Variants in AKAP10 observed in about 807,000 individuals in gnomAD.
AKAP10 encodes the protein A-kinase anchoring protein 10.
In AKAP10, 24 loss-of-function variants were observed where a neutral mutation model predicts 80.8. That is an observed-to-expected ratio of 0.30 (90% CI 0.22 to 0.42). The LOEUF (loss-of-function observed/expected upper bound fraction) is 0.42. Among genes scored for constraint, AKAP10 ranks in the 10% least tolerant of loss-of-function variants. The probability of loss-of-function intolerance (pLI) is 1.00; values close to 1 mark genes in which losing one functional copy is unlikely to be tolerated. For synonymous variants in AKAP10, 291 were observed against 277.7 expected (o/e 1.05, Z -0.48); for missense variants, 661 against 794.9 (o/e 0.83, Z 2.03).
intron 14 of AKAP10, among the ~76,000 whole-genome samples, chr17:19,907,371 T>G (rs1306833331): frequency 1.3e-5 from 2 of 151,908 alleles, no homozygotes; most frequent in African/African-American, 4.8e-5. Context: ...CTTTTAAAAC[T>G]ATTTTGCATT....
At chr17:19,910,699 G>A (rs1348973807) in intron 12 of AKAP10, among the ~76,000 whole-genome samples, 1 of 152,172 alleles carries the variant, frequency 6.6e-6, no homozygotes, top group East Asian at 1.9e-4. Flanking sequence ...CAACACATTT[G>A]TTATGTTTTC....
intron 1 of AKAP10, among the ~76,000 whole-genome samples, chr17:19,970,397 C>T (rs749032628): frequency 5.9e-5 from 9 of 152,226 alleles, no homozygotes; most frequent in Non-Finnish European, 1.5e-5. Context: ...CTAACATATA[C>T]ACAACTCAAC....
chr17:19,972,765 GTT>G lies in AKAP10; in HGVS notation c.89-4306_89-4305del, dbSNP rs1444764678. Among the ~76,000 whole-genome samples, 3 of 152,098 alleles carry G rather than the reference GTT, an allele frequency of 2.0e-5. No individual in the cohort carries two copies. In the East Asian group the frequency reaches 5.8e-4, roughly 29 times the overall value. On this transcript the variant is annotated intron_variant, in intron 1 of 14. Transcript: ENST00000225737. ...CCACCGCGCTTGGCGAAAGTTTTAA[GTT>G]TTAACGTAGTCAAATTTACACAACA...
At chr17:19,963,673 T>C (rs1162072375) in intron 2 of AKAP10, among the ~76,000 whole-genome samples, 1 of 152,016 alleles carries the variant, frequency 6.6e-6, no homozygotes, top group Non-Finnish European at 1.5e-5. Context: ...GGTGGGTGGA[T>C]CACCTGAGGT....
Position 19,909,968 on chromosome 17 carries a change from G to C in AKAP10, c.1845C>G (p.Phe615Leu). 6.2e-7 allele frequency: 1 copy of C among 1,613,430 alleles called. No individual in the cohort carries two copies. The highest frequency in any genetic ancestry group is 1.3e-5 in the African/African-American group (1 of 74,962). The change falls in exon 13 of 15, where the codon TTC (phenylalanine) becomes TTG (leucine). Residue 615 changes from phenylalanine (F) to leucine (L), a missense_variant. Phe to Leu is a conservative substitution (Grantham distance 22, BLOSUM62 0). Transcript: ENST00000225737. ...PDVRKSKGSM[F>L]SQAMKKWVQG... Reference sequence around the variant, plus strand: ...GCACCCATTTCTTCATAGCTTGTGAGAACATGGATCCTAGTAAACAAAGAC... The same window carrying C: ...GCACCCATTTCTTCATAGCTTGTGACAACATGGATCCTAGTAAACAAAGAC...
At chr17:19,922,860 A>G (rs1178863376) in intron 11 of AKAP10, among the ~76,000 whole-genome samples, 1 of 152,234 alleles carries the variant, frequency 6.6e-6, no homozygotes, top group African/African-American at 2.4e-5. Flanking sequence ...AGATTGCACC[A>G]CTGCATTCCA....
intron 4 of AKAP10, among the ~76,000 whole-genome samples, chr17:19,949,739 G>A (rs1024312978): frequency 6.8e-6 from 1 of 146,584 alleles, no homozygotes; most frequent in Admixed American, 6.9e-5. Flanking sequence ...CTGCACTCCA[G>A]CCTGGTAACA....
chr17:19,942,326 G>A (rs183519590), intron 5 of AKAP10, among the ~76,000 whole-genome samples: 3 of 151,926 alleles, frequency 2.0e-5, no homozygotes, highest in South Asian at 2.1e-4. Context: ...AATGACCAAC[G>A]TGAAAAGACA....
At chr17:19,977,136 C>G (rs949555906) in intron 1 of AKAP10, among the ~76,000 whole-genome samples, 1 of 152,022 alleles carries the variant, frequency 6.6e-6, no homozygotes, top group African/African-American at 2.4e-5. Flanking sequence ...ACCCCTCCCC[C>G]CAAAGAGGAA....
chr17:19,966,992 T>C (rs1414333819), intron 2 of AKAP10, among the ~76,000 whole-genome samples: 1 of 152,130 alleles, frequency 6.6e-6, no homozygotes, highest in Admixed American at 6.5e-5. Context: ...CTTACTTTTT[T>C]CCCTAATTTT....
chr17:19,946,237 T>TTTTA (rs1555576595), intron 5 of AKAP10, among the ~76,000 whole-genome samples: 1 of 15,184 alleles, frequency 6.6e-5, no homozygotes, highest in Non-Finnish European at 1.0e-4. Flanking sequence ...TATATATATA[T>TTTTA]TATATATATA....
At position 19,905,997 on chromosome 17, in the gene AKAP10, C is replaced by G; in HGVS notation, c.*230G>C. 1.9e-6 allele frequency: 1 copy of G among 525,922 alleles called. No homozygotes were observed. Among genetic ancestry groups the G allele is most frequent in the South Asian group, 2.9e-5 (1 of 34,224 alleles). The allele number at this position is 525,922 out of a possible 1,614,324, so 32.6% of individuals were successfully genotyped here. ...AATTTTCTAGTAATGTAAACAATAC[C>G]ATTTTGTATCTTTAAGACTCTCACT... On this transcript the variant is annotated 3_prime_UTR_variant, in exon 15 of 15. Coordinates refer to ENST00000225737, the MANE Select transcript of AKAP10 (RefSeq NM_007202.4).
At chr17:19,950,778 G>C (rs201014660) in intron 4 of AKAP10, among the ~76,000 whole-genome samples, 1 of 151,574 alleles carries the variant, frequency 6.6e-6, no homozygotes, top group Non-Finnish European at 1.5e-5. Flanking sequence ...CCATCGTCTG[G>C]GATGTGAGGA....
chr17:19,977,487 G>T, intron 1 of AKAP10, 105 bp downstream of exon 1: 1 of 900,842 alleles, frequency 1.1e-6, no homozygotes, highest in Non-Finnish European at 1.5e-6. Context: ...GTCGAGGCTC[G>T]CTGAAGGCCT....
intron 1 of AKAP10, 115 bp downstream of exon 1, chr17:19,977,477 G>A (rs2152420553): frequency 6.2e-6 from 5 of 801,610 alleles, no homozygotes; most frequent in African/African-American, 3.6e-5. Flanking sequence ...CTGCGCCGAG[G>A]TCGAGGCTCG....
At chr17:19,916,464 T>C (rs1432447945) in intron 12 of AKAP10, among the ~76,000 whole-genome samples, 2 of 152,070 alleles carry the variant, frequency 1.3e-5, no homozygotes, top group African/African-American at 4.8e-5. Context: ...GAGATAGTGG[T>C]TTGGGAAAAA....
chr17:19,936,257 A>AGTTT, intron 9 of AKAP10, 29 bp downstream of exon 9: 1 of 1,593,378 alleles, frequency 6.3e-7, no homozygotes, highest in South Asian at 1.1e-5. Context: ...AACTTCTTGT[A>AGTTT]GTTTGATACG....
In AKAP10 at chr17:19,931,859, A is replaced by T; in HGVS notation, c.1587T>A (p.Ser529=). The T allele has an allele frequency of 6.2e-7, 1 of 1,614,200 alleles. No homozygotes were observed. The highest frequency in any genetic ancestry group is 1.3e-5 in the African/African-American group (1 of 75,056). ...GGNVSLTAPG[S]VGPPDESHPG... ...GGTGAGACTCATCAGGAGGGCCAAC[A>T]GAGCCAGGAGCAGTCAGCGACACGT... The change falls in exon 10 of 15, where the codon TCT becomes TCA. Residue 529 remains serine, a synonymous_variant. Transcript: ENST00000225737.
In AKAP10 at chr17:19,953,589, C is replaced by T. The variant is rs1411373066; in HGVS notation, c.877+4425G>A. ...ACCCGAAATGCTATAAATAATTACA[C>T]GCTCATAAATTTGACAATTCAATAC... On this transcript the variant is annotated intron_variant, in intron 4 of 14. Transcript: ENST00000225737. Among the ~76,000 whole-genome samples, 14 of 152,208 alleles carry T rather than the reference C, an allele frequency of 9.2e-5. No individual in the cohort carries two copies. The South Asian group carries it at 1.0e-3, about 11-fold the overall frequency.
Sources: gnomAD v4.1 joint callset for allele counts (sites outside exome capture counted in the v4.1 genomes callset) on GRCh38, gnomAD v4.1.1 for gene constraint, MANE v1.5 for transcripts, NCBI Gene and HGNC (gene_info 2026-07-23, HGNC 2026-07-21) for gene names.